RNLS: variants seen among roughly 807,000 people sequenced by gnomAD.
The protein encoded by RNLS is renalase, FAD dependent amine oxidase.
Under a neutral mutation model 39.8 loss-of-function variants are expected in RNLS, and 39 were observed. The observed-to-expected ratio is 0.98, with a 90% confidence interval of 0.76 to 1.28. RNLS has a LOEUF of 1.28. Ranked by LOEUF, RNLS falls within the 50% of genes most tolerant of loss-of-function variation. The pLI, the probability that RNLS is intolerant of heterozygous loss-of-function variation, is 0.00. For synonymous variants in RNLS, 147 were observed against 150.7 expected, an observed-to-expected ratio of 0.98 and a Z score of 0.18; for missense variants, 410 against 413.3, an observed-to-expected ratio of 0.99 and a Z score of 0.07.
chr10:88,582,605 C>A (rs568786423), intron 1 of RNLS, among the ~76,000 whole-genome samples: 1 of 152,346 alleles, frequency 6.6e-6, no homozygotes, highest in East Asian at 1.9e-4. Flanking sequence ...TTCATACAGT[C>A]AATCTTCATG....
the RNLS span, among the ~76,000 whole-genome samples, chr10:88,222,232 C>A: frequency 4.6e-5 from 7 of 152,284 alleles, no homozygotes; most frequent in Admixed American, 2.0e-4. Flanking sequence ...TAGGATTCAA[C>A]CCACCTTGGA....
At chr10:88,240,941 A>C in the RNLS span, among the ~76,000 whole-genome samples, 1 of 151,698 alleles carries the variant, frequency 6.6e-6, no homozygotes, top group African/African-American at 2.4e-5. Flanking sequence ...GTAAAATTTT[A>C]CTGAATGTTT....
intron 5 of RNLS, among the ~76,000 whole-genome samples, chr10:88,316,804 T>C (rs2133067004): frequency 6.6e-6 from 1 of 152,340 alleles, no homozygotes; most frequent in East Asian, 1.9e-4. Context: ...TTTATTTGAA[T>C]TGTACATTTA....
intron 6 of RNLS, chr10:88,309,471 CA>C: frequency 7.8e-7 from 1 of 1,289,680 alleles, no homozygotes; most frequent in Non-Finnish European, 1.0e-6. Flanking sequence ...CCCCACCAAA[CA>C]AAATCTGTAA....
chr10:88,506,327 A>G (rs1845790284), intron 4 of RNLS, among the ~76,000 whole-genome samples: 1 of 152,146 alleles, frequency 6.6e-6, no homozygotes, highest in African/African-American at 2.4e-5. Context: ...AGAATTTTCA[A>G]GGCAACTGAG....
At chr10:88,377,694 G>A (rs1851126800) in intron 4 of RNLS, among the ~76,000 whole-genome samples, 1 of 152,224 alleles carries the variant, frequency 6.6e-6, no homozygotes. Context: ...GAAAGTTGCT[G>A]TGGGTGAGTC....
chr10:88,409,757 G>A (rs183753804), intron 4 of RNLS, among the ~76,000 whole-genome samples: 1 of 152,182 alleles, frequency 6.6e-6, no homozygotes, highest in East Asian at 1.9e-4. Flanking sequence ...CATTTCTGAT[G>A]ACTGGCAACT....
At chr10:88,544,876 AT>A (rs895687304) in intron 4 of RNLS, among the ~76,000 whole-genome samples, 4 of 152,152 alleles carry the variant, frequency 2.6e-5, no homozygotes, top group Admixed American at 1.3e-4. Flanking sequence ...TTTGAGTTTG[AT>A]TTTTTTCAAC....
chr10:88,385,921 T>C (rs1705964416), intron 4 of RNLS, among the ~76,000 whole-genome samples: 1 of 152,254 alleles, frequency 6.6e-6, no homozygotes, highest in East Asian at 1.9e-4. Flanking sequence ...ATTACTTTGA[T>C]GCAGAGTGGC....
chr10:88,377,151 G>C (rs1019471067), intron 4 of RNLS, among the ~76,000 whole-genome samples: 1 of 151,822 alleles, frequency 6.6e-6, no homozygotes, highest in Non-Finnish European at 1.5e-5. Flanking sequence ...TCTTTGAAAA[G>C]CTCAAATACA....
At chr10:88,354,123 T>C (rs1212674226) in intron 5 of RNLS, among the ~76,000 whole-genome samples, 2 of 152,188 alleles carry the variant, frequency 1.3e-5, no homozygotes, top group African/African-American at 4.8e-5. Context: ...GCAAGTGAGA[T>C]GGGTTTCCTG....
chr10:88,343,238 A>G (rs1238618050), intron 5 of RNLS, among the ~76,000 whole-genome samples: 1 of 152,206 alleles, frequency 6.6e-6, no homozygotes, highest in African/African-American at 2.4e-5. Flanking sequence ...GCCAGTTAAA[A>G]TAAGACAGTG....
intron 4 of RNLS, among the ~76,000 whole-genome samples, chr10:88,530,981 A>C (rs1847388523): frequency 6.6e-6 from 1 of 152,276 alleles, no homozygotes. Flanking sequence ...ACATAATTTC[A>C]CTTCTTAATA....
At chr10:88,231,942 C>CTGTGTGTGTGTGTGTGTGTGTGTG in the RNLS span, among the ~76,000 whole-genome samples, 896 of 149,744 alleles carry the variant, frequency 6.0e-3, 5 homozygotes, top group East Asian at 0.016. Context: ...CACAGGATTT[C>CTGTGTGTGTGTGTGTGTGTGTGTG]TGTGTGTGTG....
At chr10:88,237,511 G>A in the RNLS span, among the ~76,000 whole-genome samples, 1 of 152,092 alleles carries the variant, frequency 6.6e-6, no homozygotes, top group Non-Finnish European at 1.5e-5. Flanking sequence ...AATATTTGCG[G>A]TGATAATATT....
chr10:88,462,918 G>A (rs1369433997), intron 4 of RNLS, among the ~76,000 whole-genome samples: 1 of 152,030 alleles, frequency 6.6e-6, no homozygotes, highest in Admixed American at 6.6e-5. Context: ...TCTCCAGGTA[G>A]TGTGGTCTTG....
the RNLS span, among the ~76,000 whole-genome samples, chr10:88,266,737 C>A: frequency 1.5e-4 from 21 of 141,888 alleles, no homozygotes; most frequent in South Asian, 6.9e-4. Context: ...ACACACACAC[C>A]CCACACACAC....
At chr10:88,485,041 G>A (rs899990348) in intron 4 of RNLS, among the ~76,000 whole-genome samples, 1 of 151,802 alleles carries the variant, frequency 6.6e-6, no homozygotes, top group Non-Finnish European at 1.5e-5. Context: ...GACGTTAATT[G>A]TATCCAAATT....
Position 88,413,517 on chromosome 10 carries a change from A to G in RNLS, c.527-50792T>C, listed in dbSNP as rs192383373. Among the ~76,000 whole-genome samples, 19 of 152,306 alleles carry G rather than the reference A, an allele frequency of 1.2e-4. No individual in the cohort carries two copies. The East Asian group carries it at 3.3e-3, about 26-fold the overall frequency. The stretch of plus-strand genomic sequence containing the variant: ...ATTATACCTACTGGATTTTACATCA[A>G]CTGGATCTTACGTCATCCCTGCTTT... On this transcript the variant is annotated intron_variant, in intron 4 of 6. Coordinates refer to ENST00000331772, the MANE Select transcript of RNLS (RefSeq NM_001031709.3).
Sources: allele counts gnomAD v4.1 joint callset (sites outside exome capture counted in the v4.1 genomes callset), GRCh38; gene constraint gnomAD v4.1.1; transcripts MANE v1.5; gene names NCBI Gene and HGNC (gene_info 2026-07-23, HGNC 2026-07-21).